The following STXBP5L variants were observed in gnomAD, a reference collection of about 807,000 sequenced individuals.
STXBP5L encodes the protein syntaxin binding protein 5L.
Under a neutral mutation model 144.5 loss-of-function variants are expected in STXBP5L, and 65 were observed. The observed-to-expected ratio is 0.45, with a 90% CI of 0.37 to 0.55. The LOEUF is 0.55. STXBP5L is among the 20% of genes least tolerant of loss of function. The probability of loss-of-function intolerance (pLI) is 0.00; values close to 1 mark genes in which losing one functional copy is unlikely to be tolerated. For missense variants in STXBP5L, 1,298 were observed against 1,405.5 expected (o/e 0.92, Z 1.22); for synonymous variants, 505 against 469.6 (o/e 1.08, Z -0.97).
At chr3:120,988,322 A>G (rs1351212440) in intron 3 of STXBP5L, among the ~76,000 whole-genome samples, 2 of 151,146 alleles carry the variant, frequency 1.3e-5, no homozygotes. Flanking sequence ...AGTTATATTT[A>G]TTTTTCAAAA....
At chr3:121,057,177 C>T (rs928779649) in intron 5 of STXBP5L, among the ~76,000 whole-genome samples, 2 of 151,690 alleles carry the variant, frequency 1.3e-5, no homozygotes, top group African/African-American at 4.8e-5. Flanking sequence ...GCAAAAGAAG[C>T]CGAAAGAAAA....
intron 5 of STXBP5L, among the ~76,000 whole-genome samples, chr3:121,065,908 C>T (rs1375990913): frequency 2.0e-5 from 3 of 152,040 alleles, no homozygotes; most frequent in South Asian, 2.1e-4. Context: ...AACTTTTTGC[C>T]GGCTGTTTGG....
At chr3:120,977,117 A>G (rs1465389513) in intron 3 of STXBP5L, among the ~76,000 whole-genome samples, 2 of 152,100 alleles carry the variant, frequency 1.3e-5, no homozygotes, top group East Asian at 1.9e-4. Context: ...TTTCTGTCTC[A>G]TTGATCTGTC....
chr3:121,342,392 A>C (rs905421858), intron 20 of STXBP5L, among the ~76,000 whole-genome samples: 2 of 151,950 alleles, frequency 1.3e-5, no homozygotes, highest in African/African-American at 2.4e-5. Context: ...ACATGTGCAC[A>C]ATGTGCAGGT....
chr3:121,055,744 A>G (rs1948413420), intron 5 of STXBP5L, among the ~76,000 whole-genome samples: 1 of 151,948 alleles, frequency 6.6e-6, no homozygotes. Context: ...TCTGTCACCT[A>G]AGCTGGAGTA....
At chr3:121,056,351 G>A (rs182467436) in intron 5 of STXBP5L, among the ~76,000 whole-genome samples, 1 of 152,084 alleles carries the variant, frequency 6.6e-6, no homozygotes, top group African/African-American at 2.4e-5. Flanking sequence ...TGTAGGCTAC[G>A]ATATACAGAC....
At chr3:120,933,587 C>G (rs2107627007) in intron 2 of STXBP5L, among the ~76,000 whole-genome samples, 1 of 152,220 alleles carries the variant, frequency 6.6e-6, no homozygotes, top group South Asian at 2.1e-4. Context: ...ATTAATCATA[C>G]TCAGAAACTT....
chr3:121,413,383 A>T, intron 24 of STXBP5L, 60 bp downstream of exon 24: 1 of 1,416,220 alleles, frequency 7.1e-7, no homozygotes, highest in Admixed American at 2.7e-5. Context: ...AATGAGAAAG[A>T]TGTCTAAAAA....
rs2047289069 is a variant in STXBP5L at position 121,418,423 on chromosome 3, G to A, written c.3313G>A (p.Ala1105Thr). The A allele has an allele frequency of 6.2e-7, 1 of 1,614,000 alleles. No individual in the cohort carries two copies. The highest frequency in any genetic ancestry group is 1.3e-5 in the African/African-American group (1 of 74,946). ...PGSIEGMKGA[A>T]GGVMGELTRA... ...TAGTATAGAAGGGATGAAAGGCGCT[G>A]CTGGAGGGGTGATGGGAGAGCTGAC... The change falls in exon 26 of 27, where the codon GCT becomes ACT. Residue 1105 changes from alanine to threonine, a missense_variant. Physicochemically the swap from Ala to Thr is moderately conservative, Grantham distance 58 (BLOSUM62 0). Coordinates refer to ENST00000471454, the MANE Select transcript of STXBP5L (RefSeq NM_001308330.2).
chr3:121,154,141 G>T (rs1011564352), intron 8 of STXBP5L, among the ~76,000 whole-genome samples: 1 of 151,764 alleles, frequency 6.6e-6, no homozygotes, highest in Non-Finnish European at 1.5e-5. Context: ...AGGATTTGCA[G>T]CTGCCTTAGT....
chr3:120,981,159 G>T (rs1438851561), intron 3 of STXBP5L, among the ~76,000 whole-genome samples: 1 of 151,994 alleles, frequency 6.6e-6, no homozygotes, highest in Admixed American at 6.6e-5. Flanking sequence ...GTTAACTTTG[G>T]ATCTTCTGAT....
chr3:121,174,129 G>C (rs557543730), intron 9 of STXBP5L, among the ~76,000 whole-genome samples: 2 of 152,024 alleles, frequency 1.3e-5, no homozygotes, highest in Non-Finnish European at 2.9e-5. Flanking sequence ...CAGAGTTGTA[G>C]TGTGGATTAT....
intron 20 of STXBP5L, among the ~76,000 whole-genome samples, chr3:121,364,956 G>T (rs1021951443): frequency 2.6e-5 from 4 of 151,716 alleles, no homozygotes; most frequent in African/African-American, 4.8e-5. Context: ...TGCTTTTTCT[G>T]CTCAATTGAG....
chr3:121,105,045 T>A (rs940755310), intron 5 of STXBP5L, among the ~76,000 whole-genome samples: 1 of 151,250 alleles, frequency 6.6e-6, no homozygotes, highest in African/African-American at 2.4e-5. Context: ...AGAAAAAAAA[T>A]AAAAACAAAT....
chr3:121,405,522 C>CTAGATGGTTGTA (rs1560062598), intron 22 of STXBP5L, among the ~76,000 whole-genome samples: 1 of 152,014 alleles, frequency 6.6e-6, no homozygotes, highest in African/African-American at 2.4e-5. Context: ...AGGTTGTAGT[C>CTAGATGGTTGTA]GGCAAGGCTG....
chr3:121,007,429 T>C (rs1193751522), intron 3 of STXBP5L, among the ~76,000 whole-genome samples: 1 of 152,044 alleles, frequency 6.6e-6, no homozygotes, highest in Non-Finnish European at 1.5e-5. Context: ...CTATTCTATA[T>C]TTGGGAAGAG....
chr3:121,292,711 T>C (rs1271309386), intron 19 of STXBP5L, among the ~76,000 whole-genome samples: 1 of 152,094 alleles, frequency 6.6e-6, no homozygotes, highest in East Asian at 1.9e-4. Flanking sequence ...CCATAAAAAG[T>C]AATGAAATGA....
At chr3:121,263,298 C>G (rs548358291) in intron 18 of STXBP5L, among the ~76,000 whole-genome samples, 2 of 152,276 alleles carry the variant, frequency 1.3e-5, no homozygotes, top group African/African-American at 4.8e-5. Context: ...GACATTCACA[C>G]AAAAACCCCA....
intron 5 of STXBP5L, among the ~76,000 whole-genome samples, chr3:121,052,820 A>G (rs1452905587): frequency 6.6e-6 from 1 of 152,216 alleles, no homozygotes; most frequent in Admixed American, 6.5e-5. Context: ...CTGTTTGCAG[A>G]TGACATGATT....
Sources: gnomAD v4.1 joint callset for allele counts (sites outside exome capture counted in the v4.1 genomes callset) on GRCh38, gnomAD v4.1.1 for gene constraint, MANE v1.5 for transcripts, NCBI Gene and HGNC (gene_info 2026-07-23, HGNC 2026-07-21) for gene names.